Variants in CDK5RAP2 observed in about 807,000 individuals in gnomAD.
CDK5RAP2 encodes CDK5 regulatory subunit-associated protein 2.
A neutral mutation model predicts 232.9 loss-of-function variants in CDK5RAP2; 147 were observed. The observed-to-expected ratio is 0.63, with a 90% CI of 0.55 to 0.72. CDK5RAP2 has a LOEUF of 0.72. CDK5RAP2 is among the 30% of genes least tolerant of loss of function. CDK5RAP2 has a pLI of 0.00. For synonymous variants in CDK5RAP2, 833 were observed against 833.7 expected, an observed-to-expected ratio of 1.00 and a Z score of 0.01; for missense variants, 2,195 against 2,231.5, an observed-to-expected ratio of 0.98 and a Z score of 0.33.
chr9:120,392,961 C>G (rs1351389276), intron 36 of CDK5RAP2, among the ~76,000 whole-genome samples: 3 of 152,214 alleles, frequency 2.0e-5, no homozygotes, highest in Non-Finnish European at 4.4e-5. Flanking sequence ...GTCCTGGAGT[C>G]CTGTCCACAA....
chr9:120,558,953 A>C (rs2042352496), intron 3 of CDK5RAP2, among the ~76,000 whole-genome samples: 1 of 152,244 alleles, frequency 6.6e-6, no homozygotes, highest in East Asian at 1.9e-4. Context: ...CCAAGGTTTT[A>C]ACAAGTATCT....
intron 35 of CDK5RAP2, among the ~76,000 whole-genome samples, chr9:120,396,613 T>C (rs373702643): frequency 6.6e-6 from 1 of 152,214 alleles, no homozygotes; most frequent in African/African-American, 2.4e-5. Flanking sequence ...CACACTGGAG[T>C]GACTGGTCCT....
intron 3 of CDK5RAP2, among the ~76,000 whole-genome samples, chr9:120,552,004 C>T (rs974790049): frequency 6.6e-6 from 1 of 151,624 alleles, no homozygotes. Flanking sequence ...AAGAAAAAAA[C>T]AAACAACCCC....
chr9:120,475,915 G>T (rs890016879), intron 15 of CDK5RAP2, among the ~76,000 whole-genome samples: 1 of 152,184 alleles, frequency 6.6e-6, no homozygotes, highest in Non-Finnish European at 1.5e-5. Flanking sequence ...GGCACAGACG[G>T]CTACAGAAGG....
intron 12 of CDK5RAP2, among the ~76,000 whole-genome samples, chr9:120,517,554 CT>C (rs1358160657): frequency 6.6e-6 from 1 of 152,192 alleles, no homozygotes; most frequent in Non-Finnish European, 1.5e-5. Context: ...TTAAAAGACA[CT>C]GAATATTTAA....
At chr9:120,434,573 C>T (rs2035465340) in intron 25 of CDK5RAP2, among the ~76,000 whole-genome samples, 2 of 152,092 alleles carry the variant, frequency 1.3e-5, no homozygotes, top group South Asian at 4.1e-4. Context: ...CCTGCAGCAT[C>T]CAGGTGAGAG....
intron 36 of CDK5RAP2, among the ~76,000 whole-genome samples, chr9:120,391,795 T>C (rs1280474243): frequency 6.6e-6 from 1 of 152,230 alleles, no homozygotes; most frequent in Non-Finnish European, 1.5e-5. Flanking sequence ...GAGGAGGTGC[T>C]ATGCCAACTT....
chr9:120,465,427 G>A (rs1371145766), intron 18 of CDK5RAP2, among the ~76,000 whole-genome samples: 1 of 152,150 alleles, frequency 6.6e-6, no homozygotes, highest in Non-Finnish European at 1.5e-5. Flanking sequence ...TGTTCTTGGT[G>A]TTCTGTTTGT....
At chr9:120,567,748 T>A (rs7035485) in intron 3 of CDK5RAP2, among the ~76,000 whole-genome samples, 147,170 of 152,316 alleles carry the variant, frequency 0.97, 71,279 homozygotes, top group East Asian at 1. Context: ...GATAAAGTCT[T>A]CAAAATGCAA....
At chr9:120,438,263 A>C (rs540309348) in intron 24 of CDK5RAP2, among the ~76,000 whole-genome samples, 2 of 152,368 alleles carry the variant, frequency 1.3e-5, no homozygotes, top group East Asian at 3.9e-4. Flanking sequence ...TGACTCATGT[A>C]AACTGGCCAC....
chr9:120,570,607 C>T (rs913677774), intron 2 of CDK5RAP2, among the ~76,000 whole-genome samples: 4 of 151,244 alleles, frequency 2.6e-5, no homozygotes, highest in Non-Finnish European at 5.9e-5. Context: ...TGGGAGGCTG[C>T]GGCGGGTGGA....
In CDK5RAP2 at chr9:120,529,008, T is replaced by C. The variant is rs1451557720; in HGVS notation, c.826-211A>G. ...ATGTGAAGACAACAACCTACCCTGG[T>C]TGATCACCAGCCCCACAGAGAGTAA... On this transcript the variant is annotated intron_variant, in intron 8 of 37. Transcript: ENST00000349780. 9 of 602,680 alleles carry C rather than the reference T, an allele frequency of 1.5e-5. No individual in the cohort carries two copies. The East Asian group carries it at 2.5e-4, about 17-fold the overall frequency. 37.3% of individuals were successfully genotyped at this position (602,680 alleles called of 1,614,324 possible). A position where few individuals can be genotyped will look rare whatever the true frequency, so the allele number is the denominator to read the frequency against.
At chr9:120,419,007 A>G (rs950606549) in intron 27 of CDK5RAP2, among the ~76,000 whole-genome samples, 2 of 152,230 alleles carry the variant, frequency 1.3e-5, no homozygotes, top group South Asian at 4.1e-4. Context: ...TCTAAGTCCA[A>G]TGTAATGGTA....
chr9:120,538,938 T>C, intron 6 of CDK5RAP2, 103 bp downstream of exon 6: 2 of 1,264,156 alleles, frequency 1.6e-6, no homozygotes, highest in Non-Finnish European at 2.3e-6. Flanking sequence ...GTAGCTGTTG[T>C]TTCTGCTGAA....
intron 35 of CDK5RAP2, among the ~76,000 whole-genome samples, chr9:120,399,027 C>T (rs1041757202): frequency 2.6e-5 from 4 of 152,100 alleles, no homozygotes; most frequent in Non-Finnish European, 4.4e-5. Flanking sequence ...GGTATGTACC[C>T]CAGCAACCAC....
intron 23 of CDK5RAP2, among the ~76,000 whole-genome samples, chr9:120,441,836 C>T (rs548246204): frequency 1.3e-5 from 2 of 152,142 alleles, no homozygotes; most frequent in Admixed American, 1.3e-4. Context: ...TCAATAAGAG[C>T]CTTGAGGGTG....
intron 22 of CDK5RAP2, among the ~76,000 whole-genome samples, chr9:120,444,426 G>A (rs1295825726): frequency 6.6e-6 from 1 of 152,240 alleles, no homozygotes; most frequent in African/African-American, 2.4e-5. Flanking sequence ...CAGATGGGGA[G>A]TTCTCAGAAG....
chr9:120,579,932 A>G lies in CDK5RAP2; in HGVS notation c.47T>C (p.Leu16Pro). Residue 16 changes from leucine (L) to proline (P), a missense_variant, in exon 1 of 38, where the codon CTC (leucine) becomes CCC (proline). Transcript: ENST00000349780. The part of the protein sequence containing the change: ...LEEDVTVPGT[L>P]SGCSGLVPSV... ...GCCCCGGCCGCACCTGCAGCCGCTG[A>G]GCGTCCCAGGGACGGTGACGTCCTC... 1 of 1,613,488 alleles carries G rather than the reference A, an allele frequency of 6.2e-7. No homozygotes were observed. The highest frequency in any genetic ancestry group is 1.6e-4 in the Middle Eastern group (1 of 6,062).
At chr9:120,452,589 T>TG (rs1047217629) in intron 21 of CDK5RAP2, among the ~76,000 whole-genome samples, 11 of 150,978 alleles carry the variant, frequency 7.3e-5, no homozygotes, top group East Asian at 1.9e-4. Flanking sequence ...TTCTTGGCCG[T>TG]GGGGGGGTCA....
Sources: allele counts gnomAD v4.1 joint callset (sites outside exome capture counted in the v4.1 genomes callset), GRCh38; gene constraint gnomAD v4.1.1; transcripts MANE v1.5; gene names NCBI Gene and HGNC (gene_info 2026-07-23, HGNC 2026-07-21).